Variants in PCDHGA8 observed in about 807,000 individuals in gnomAD.
The protein encoded by PCDHGA8 is protocadherin gamma subfamily A, 8.
A neutral mutation model predicts 59.2 loss-of-function variants in PCDHGA8; 45 were observed. The ratio of observed to expected loss-of-function variants is 0.76; its 90% CI spans 0.60 to 0.98. The LOEUF (loss-of-function observed/expected upper bound fraction) is 0.98, where lower values mean the gene tolerates loss of function less well. Ranked by LOEUF, PCDHGA8 falls within the 50% of genes least tolerant of loss-of-function variation. PCDHGA8 has a pLI of 0.00. For synonymous variants in PCDHGA8, 531 were observed against 519.0 expected (o/e 1.02, Z -0.32); for missense variants, 1,257 against 1,196.2 (o/e 1.05, Z -0.75).
Position 141,489,065 on chromosome 5 carries a change from C to T in PCDHGA8, c.2425-5742C>T, listed in dbSNP as rs558074504. On this transcript the variant is annotated intron_variant, in intron 1 of 3. Coordinates refer to ENST00000398604, the MANE Select transcript of PCDHGA8 (RefSeq NM_032088.2). This position sits in a 1 kb window ranked among gnomAD's most constrained non-coding sequence, Gnocchi z 4.5. ...CCACTCAAATTCAGCTCCCCTCCCC[C>T]CTGCCCACCCCCGCCACTCGGTGAC... 3.3e-5 allele frequency: 13 copies of T among 388,932 alleles called. 1 individual carries two copies. Among genetic ancestry groups the T allele is most frequent in the African/African-American group, 8.5e-5 (4 of 47,158 alleles). 24.1% of individuals were successfully genotyped at this position (388,932 alleles called of 1,614,324 possible).
At chr5:141,407,856 G>A (rs1038275806) in intron 1 of PCDHGA8, among the ~76,000 whole-genome samples, 2 of 152,210 alleles carry the variant, frequency 1.3e-5, no homozygotes, top group African/African-American at 4.8e-5. Context: ...ATGTACACCT[G>A]CATTTTCGAA....
intron 1 of PCDHGA8, among the ~76,000 whole-genome samples, chr5:141,480,693 G>C (rs1488899685): frequency 2.6e-5 from 4 of 152,096 alleles, no homozygotes; most frequent in Non-Finnish European, 5.9e-5. Context: ...CTGAAACCCA[G>C]GCCACACCCC....
chr5:141,482,380 C>A (rs2099557573), intron 1 of PCDHGA8, among the ~76,000 whole-genome samples: 1 of 151,712 alleles, frequency 6.6e-6, no homozygotes, highest in Non-Finnish European at 1.5e-5. Context: ...ATATAAAGTC[C>A]CTGTATGGAG....
intron 1 of PCDHGA8, chr5:141,404,948 G>A (rs756928954): frequency 3.1e-6 from 5 of 1,613,838 alleles, no homozygotes; most frequent in African/African-American, 1.3e-5. Flanking sequence ...AGCCATAGCT[G>A]ACAGCATCCC....
intron 1 of PCDHGA8, among the ~76,000 whole-genome samples, chr5:141,445,733 T>C (rs1031885468): frequency 6.6e-6 from 1 of 152,186 alleles, no homozygotes; most frequent in Non-Finnish European, 1.5e-5. Context: ...TGTGTAAAGA[T>C]CTTTTTAAAA....
At chr5:141,412,922 A>G in intron 1 of PCDHGA8, 1 of 420,478 alleles carries the variant, frequency 2.4e-6, no homozygotes, top group Non-Finnish European at 4.2e-6. Flanking sequence ...ACTTGGGTGC[A>G]GTAACTTCTT....
intron 1 of PCDHGA8, chr5:141,424,572 T>C (rs1272121500): frequency 6.6e-6 from 1 of 152,238 alleles, no homozygotes; most frequent in East Asian, 1.9e-4. Context: ...CAAAAACCTA[T>C]TTTCAAATGT....
At position 141,432,724 on chromosome 5, in the gene PCDHGA8, C is replaced by T. The variant is rs752394602; in HGVS notation, c.2424+37487C>T. ...AGGACCACGGCCAGCCCCCTCTCTCCGCCACTGTCACGCTCACCGTGGCCG... is the reference window on the plus strand; with the variant it reads ...AGGACCACGGCCAGCCCCCTCTCTCTGCCACTGTCACGCTCACCGTGGCCG... On this transcript the variant is annotated intron_variant, in intron 1 of 3. Coordinates refer to ENST00000398604, the MANE Select transcript of PCDHGA8 (RefSeq NM_032088.2). The surrounding 1 kb of genome is among the most constrained non-coding windows in gnomAD (Gnocchi z 6.0). The T allele has an allele frequency of 8.1e-6, 13 of 1,614,066 alleles. No individual in the cohort carries two copies. Among genetic ancestry groups the T allele is most frequent in the Middle Eastern group, 1.6e-4 (1 of 6,062 alleles).
chr5:141,503,161 T>C (rs1035413931), intron 2 of PCDHGA8, among the ~76,000 whole-genome samples: 3 of 152,054 alleles, frequency 2.0e-5, no homozygotes, highest in Admixed American at 1.3e-4. Context: ...AGTATCACAA[T>C]TGCAATTACT....
At position 141,460,912 on chromosome 5, in the gene PCDHGA8, G is replaced by GTGTATATA. The variant is rs145509489; in HGVS notation, c.2425-33894_2425-33893insGTATATAT. ...TCGTGGCTGAGTAATATTCCATGGTGTATATATATATATGTGTGTGTGTAT... is the reference window on the plus strand; with the variant it reads ...TCGTGGCTGAGTAATATTCCATGGTGTGTATATATATATATATATATGTGTGTGTGTAT... On this transcript the variant is annotated intron_variant, in intron 1 of 3. Transcript: ENST00000398604. Among the ~76,000 whole-genome samples the GTGTATATA allele has an allele frequency of 5.0e-3, 740 of 149,316 alleles. 4 individuals are homozygous for GTGTATATA. The highest frequency in any genetic ancestry group is 0.015 in the African/African-American group (617 of 40,618).
At position 141,485,848 on chromosome 5, in the gene PCDHGA8, C is replaced by G. The variant is rs1416763615; in HGVS notation, c.2425-8959C>G. 1.9e-6 allele frequency: 3 copies of G among 1,614,076 alleles called. No individual in the cohort carries two copies. The highest frequency in any genetic ancestry group is 1.1e-5 in the South Asian group (1 of 91,084). On this transcript the variant is annotated intron_variant, in intron 1 of 3. Coordinates refer to ENST00000398604, the MANE Select transcript of PCDHGA8 (RefSeq NM_032088.2). This position sits in a 1 kb window ranked among gnomAD's most constrained non-coding sequence, Gnocchi z 5.7. The stretch of plus-strand genomic sequence containing the variant: ...GAGGGAACCCGCCGAGATCTGGCAC[C>G]GCAGAGCTCCGGGTATCCGTGCTGG...
chr5:141,456,434 G>A (rs1418917805), intron 1 of PCDHGA8, among the ~76,000 whole-genome samples: 1 of 152,108 alleles, frequency 6.6e-6, no homozygotes, highest in Non-Finnish European at 1.5e-5. Flanking sequence ...TTATAGTATT[G>A]AGTATACAGA....
intron 1 of PCDHGA8, among the ~76,000 whole-genome samples, chr5:141,472,980 C>CA (rs60579131): frequency 0.042 from 3,623 of 85,966 alleles, 71 homozygotes; most frequent in South Asian, 0.079. Context: ...GAGTGAAACT[C>CA]AAAAAAAAAA....
chr5:141,422,275 A>G (rs367711513), intron 1 of PCDHGA8: 6 of 1,560,374 alleles, frequency 3.8e-6, no homozygotes, highest in East Asian at 2.2e-5. Flanking sequence ...AGAAATAACT[A>G]TCACCTCTTC....
rs1180919465 is a variant in PCDHGA8 at position 141,410,681 on chromosome 5, G to A, written c.2424+15444G>A. On this transcript the variant is annotated intron_variant, in intron 1 of 3. Coordinates refer to ENST00000398604, the MANE Select transcript of PCDHGA8 (RefSeq NM_032088.2). ...AGTCTACTAGTTTCTCATATTTTAG[G>A]CATACTACTTTATTTTCATATCTAG... The A allele has an allele frequency of 3.9e-6, 6 of 1,535,084 alleles. No homozygotes were observed. The East Asian group carries it at 1.4e-4, about 35-fold the overall frequency.
At chr5:141,494,724 T>C in intron 1 of PCDHGA8, 83 bp from the exon 2 acceptor site, 1 of 1,606,108 alleles carries the variant, frequency 6.2e-7, no homozygotes, top group South Asian at 1.1e-5. Flanking sequence ...CCCCTCCTTC[T>C]CTCCCGGCCC....
intron 1 of PCDHGA8, chr5:141,415,755 T>TTTG: frequency 1.4e-6 from 2 of 1,387,632 alleles, no homozygotes; most frequent in Middle Eastern, 2.6e-4. Context: ...TTTTTTTTTT[T>TTTG]TTTTTTTTTT....
chr5:141,447,824 G>T (rs926580893), intron 1 of PCDHGA8, among the ~76,000 whole-genome samples: 2 of 152,034 alleles, frequency 1.3e-5, no homozygotes, highest in Non-Finnish European at 2.9e-5. Context: ...GGTGGCTCAC[G>T]CCTGTAATCC....
At chr5:141,453,101 TTTTTGTTTTG>T (rs879618609) in intron 1 of PCDHGA8, among the ~76,000 whole-genome samples, 16 of 152,130 alleles carry the variant, frequency 1.1e-4, no homozygotes, top group Middle Eastern at 3.4e-3. Flanking sequence ...TTCTGTTGCT[TTTTTGTTTTG>T]TTTTGTTTTG....
Sources: gnomAD v4.1 joint callset for allele counts (sites outside exome capture counted in the v4.1 genomes callset) on GRCh38, gnomAD v4.1.1 for gene constraint, Gnocchi (gnomAD v3.1) non-coding constraint, MANE v1.5 for transcripts, NCBI Gene and HGNC (gene_info 2026-07-23, HGNC 2026-07-21) for gene names.